Variants in ZCCHC2 observed in about 807,000 individuals in gnomAD.
ZCCHC2 encodes zinc finger CCHC domain-containing protein 2.
In ZCCHC2, 39 loss-of-function variants were observed where a neutral mutation model predicts 103.6. That is an observed-to-expected ratio of 0.38 (90% confidence interval 0.29 to 0.49). ZCCHC2 has a LOEUF of 0.49. Ranked by LOEUF, ZCCHC2 falls within the 20% of genes least tolerant of loss-of-function variation. The probability of loss-of-function intolerance (pLI) is 0.96; values close to 1 mark genes in which losing one functional copy is unlikely to be tolerated. For synonymous variants in ZCCHC2, 687 were observed against 608.9 expected, an observed-to-expected ratio of 1.13 and a Z score of -1.89; for missense variants, 1,483 against 1,491.0, an observed-to-expected ratio of 0.99 and a Z score of 0.09.
chr18:62,536,592 G>A lies in ZCCHC2; in HGVS notation c.940-3089G>A, dbSNP rs147021186. 7.3e-3 allele frequency among the ~76,000 whole-genome samples: 1,109 copies of A among 152,230 alleles called. 9 individuals are homozygous for A. Among genetic ancestry groups the A allele is most frequent in the Non-Finnish European group, 0.012 (827 of 68,024 alleles). On this transcript the variant is annotated intron_variant, in intron 1 of 13. Transcript: ENST00000269499. ...TAAGGAAAGTAAAGAGGGAGTGCAG[G>A]GCAGACAGCATCGCCGAGCAGCCAC...
chr18:62,541,525 C>G (rs1225089876), intron 2 of ZCCHC2, among the ~76,000 whole-genome samples: 1 of 146,510 alleles, frequency 6.8e-6, no homozygotes, highest in Admixed American at 6.9e-5. Context: ...CTTTTTTCCT[C>G]CATCTCCTGC....
chr18:62,564,878 G>GT (rs1916281039), intron 10 of ZCCHC2, 124 bp from the exon 11 acceptor site: 4 of 746,158 alleles, frequency 5.4e-6, no homozygotes, highest in Non-Finnish European at 8.6e-6. Context: ...AATCTTAATT[G>GT]TATTTAGATT....
chr18:62,524,680 G>C (rs1168964239), intron 1 of ZCCHC2: 1 of 376,450 alleles, frequency 2.7e-6, no homozygotes, highest in African/African-American at 2.1e-5. Flanking sequence ...GAGGAAAAGT[G>C]TCGGGACGTT....
At chr18:62,544,553 A>G (rs1915332856) in intron 3 of ZCCHC2, among the ~76,000 whole-genome samples, 1 of 152,214 alleles carries the variant, frequency 6.6e-6, no homozygotes, top group African/African-American at 2.4e-5. Context: ...AAACATAATC[A>G]CATTTTCAGA....
intron 1 of ZCCHC2, among the ~76,000 whole-genome samples, chr18:62,532,336 T>C (rs947334503): frequency 6.6e-6 from 1 of 152,218 alleles, no homozygotes. Context: ...ATACACACTT[T>C]CCTCATCCTT....
intron 1 of ZCCHC2, among the ~76,000 whole-genome samples, chr18:62,525,697 C>T (rs1413692657): frequency 6.6e-6 from 1 of 151,604 alleles, no homozygotes; most frequent in African/African-American, 2.4e-5. Flanking sequence ...TGTTTTGGGA[C>T]GTATTTTATC....
chr18:62,523,376 GCCC>G lies in ZCCHC2; in HGVS notation c.-47_-45del. Reference sequence around the variant, plus strand: ...GCCTCGGCCCGTGCTCCACCTCGCGGCCCCTCCCGCCCGCCCCCGCTCGCATGT... The same window carrying G: ...GCCTCGGCCCGTGCTCCACCTCGCGGCTCCCGCCCGCCCCCGCTCGCATGT... On this transcript the variant is annotated 5_prime_UTR_variant, in exon 1 of 14. Coordinates refer to ENST00000269499, the MANE Select transcript of ZCCHC2 (RefSeq NM_017742.6). 9.9e-7 allele frequency: 1 copy of G among 1,012,354 alleles called. No homozygotes were observed. The highest frequency in any genetic ancestry group is 1.2e-6 in the Non-Finnish European group (1 of 848,992). 62.7% of individuals were successfully genotyped at this position (1,012,354 alleles called of 1,614,324 possible). A position where few individuals can be genotyped will look rare whatever the true frequency, so the allele number is the denominator to read the frequency against.
At chr18:62,557,772 A>G (rs1271660810) in intron 6 of ZCCHC2, among the ~76,000 whole-genome samples, 1 of 152,242 alleles carries the variant, frequency 6.6e-6, no homozygotes. Flanking sequence ...TGCTCAGGAA[A>G]ACTCACCCAA....
At chr18:62,524,707 T>A in intron 1 of ZCCHC2, 1 of 282,502 alleles carries the variant, frequency 3.5e-6, no homozygotes. Context: ...TCTGAGCATC[T>A]CAGCGCTCGG....
chr18:62,548,326 A>T (rs2145504385), intron 4 of ZCCHC2, among the ~76,000 whole-genome samples: 1 of 152,260 alleles, frequency 6.6e-6, no homozygotes, highest in South Asian at 2.1e-4. Context: ...AAAGATAAAA[A>T]CCACTTGAAA....
intron 7 of ZCCHC2, 152 bp from the exon 8 acceptor site, chr18:62,560,435 A>T: frequency 2.0e-6 from 1 of 492,784 alleles, no homozygotes; most frequent in Non-Finnish European, 3.5e-6. Flanking sequence ...GTTTTTGAAA[A>T]ATTGCTTAAG....
rs140303300 is a variant in ZCCHC2 at position 62,568,871 on chromosome 18, T to C, written c.1847-1232T>C. On this transcript the variant is annotated intron_variant, in intron 11 of 13. Transcript: ENST00000269499. ...ATTTAATGACAACTTATTTGGCCAC[T>C]ATGGCCCGTTAGCTTGTCTTCAAGC... Among the ~76,000 whole-genome samples the C allele has an allele frequency of 3.7e-3, 563 of 152,356 alleles. 2 individuals carry two copies. The highest frequency in any genetic ancestry group is 0.012 in the African/African-American group (518 of 41,580).
At position 62,523,377 on chromosome 18, in the gene ZCCHC2, C is replaced by CGGCG; in HGVS notation, c.-48_-47insGGCG. On this transcript the variant is annotated 5_prime_UTR_variant, in exon 1 of 14. Coordinates refer to ENST00000269499, the MANE Select transcript of ZCCHC2 (RefSeq NM_017742.6). ...CCTCGGCCCGTGCTCCACCTCGCGGCCCCTCCCGCCCGCCCCCGCTCGCAT... is the reference window on the plus strand; with the variant it reads ...CCTCGGCCCGTGCTCCACCTCGCGGCGGCGCCCTCCCGCCCGCCCCCGCTCGCAT... 3.0e-5 allele frequency: 7 copies of CGGCG among 230,558 alleles called. No homozygotes were observed. The highest frequency in any genetic ancestry group is 5.0e-5 in the Non-Finnish European group (7 of 140,630). The allele number at this position is 230,558 out of a possible 1,614,324, so 14.3% of individuals were successfully genotyped here.
rs1310597693 is a variant in ZCCHC2 at position 62,576,615 on chromosome 18, G to T, written c.*36G>T. The T allele has an allele frequency of 1.3e-6, 2 of 1,592,772 alleles. No homozygotes were observed. Among genetic ancestry groups the T allele is most frequent in the Non-Finnish European group, 1.7e-6 (2 of 1,161,790 alleles). On this transcript the variant is annotated 3_prime_UTR_variant, in exon 14 of 14. Coordinates refer to ENST00000269499, the MANE Select transcript of ZCCHC2 (RefSeq NM_017742.6). Reference sequence around the variant, plus strand: ...GCTTGCCTACTTAATACACTCAAGTGTGGGGAGTCATGGGGTGTGGAGGGG... The same window carrying T: ...GCTTGCCTACTTAATACACTCAAGTTTGGGGAGTCATGGGGTGTGGAGGGG...
chr18:62,571,495 G>T (rs1368075743), intron 12 of ZCCHC2, among the ~76,000 whole-genome samples: 1 of 152,184 alleles, frequency 6.6e-6, no homozygotes, highest in Non-Finnish European at 1.5e-5. Context: ...TTAATTTCCA[G>T]AATTTTGAGA....
chr18:62,527,914 C>T (rs1935882297), intron 1 of ZCCHC2, among the ~76,000 whole-genome samples: 1 of 152,198 alleles, frequency 6.6e-6, no homozygotes, highest in African/African-American at 2.4e-5. Context: ...GGAAGCAAGA[C>T]ATGCAAGCAA....
At chr18:62,537,894 C>T (rs1914997486) in intron 1 of ZCCHC2, among the ~76,000 whole-genome samples, 1 of 152,190 alleles carries the variant, frequency 6.6e-6, no homozygotes, top group African/African-American at 2.4e-5. Context: ...TTTCCACCAT[C>T]AATGTGTAAG....
intron 1 of ZCCHC2, among the ~76,000 whole-genome samples, chr18:62,528,383 A>G (rs888878808): frequency 5.3e-5 from 8 of 152,264 alleles, no homozygotes; most frequent in Admixed American, 1.3e-4. Context: ...TCACGAGGTC[A>G]GGAGTTCGAG....
intron 1 of ZCCHC2, among the ~76,000 whole-genome samples, chr18:62,535,474 T>C (rs1448193053): frequency 6.6e-6 from 1 of 152,208 alleles, no homozygotes; most frequent in East Asian, 1.9e-4. Context: ...TCTCACAGTT[T>C]TGTGGGTGAG....
Sources: gnomAD v4.1 joint callset for allele counts (sites outside exome capture counted in the v4.1 genomes callset) on GRCh38, gnomAD v4.1.1 for gene constraint, MANE v1.5 for transcripts, NCBI Gene and HGNC (gene_info 2026-07-23, HGNC 2026-07-21) for gene names.